PPP1CB: variants seen among roughly 807,000 people sequenced by gnomAD.
PPP1CB encodes protein phosphatase 1 catalytic subunit beta, also known as serine/threonine-protein phosphatase PP1-beta catalytic subunit.
A neutral mutation model predicts 43.7 loss-of-function variants in PPP1CB; 2 were observed. The observed-to-expected ratio is 0.05, with a 90% CI of 0.02 to 0.14. The LOEUF is 0.14. Among genes scored for constraint, PPP1CB ranks in the 10% least tolerant of loss-of-function variants. The pLI, the probability that PPP1CB is intolerant of heterozygous loss-of-function variation, is 1.00. For missense variants in PPP1CB, 84 were observed against 398.0 expected (o/e 0.21, Z 6.71); for synonymous variants, 136 against 135.6 (o/e 1.00, Z -0.02).
rs554648245 is a variant in PPP1CB, at chr2:28,788,549, T to G, written c.593-109T>G. The G allele has an allele frequency of 4.6e-5, 55 of 1,188,838 alleles. No homozygotes were observed. In the African/African-American group the frequency reaches 7.4e-4, roughly 16 times the overall value. 73.6% of individuals were successfully genotyped at this position (1,188,838 alleles called of 1,614,324 possible). A position where few individuals can be genotyped will look rare whatever the true frequency, so the allele number is the denominator to read the frequency against. On this transcript the variant is annotated intron_variant, in intron 5 of 7. Coordinates refer to ENST00000395366, the MANE Select transcript of PPP1CB (RefSeq NM_002709.3). ...TACTTAGGCAAGTGATGGTCATTGT[T>G]TAGTAAAAGGTAAGAGGGCAAGAAA...
At chr2:28,792,898 T>C (rs749505822) in intron 6 of PPP1CB, among the ~76,000 whole-genome samples, 27 of 152,102 alleles carry the variant, frequency 1.8e-4, no homozygotes, top group Non-Finnish European at 3.4e-4. Context: ...AATTGACAAC[T>C]GGTTCTAGAA....
chr2:28,760,509 A>G (rs551536572), intron 1 of PPP1CB, among the ~76,000 whole-genome samples: 8 of 152,146 alleles, frequency 5.3e-5, no homozygotes, highest in Admixed American at 3.9e-4. Context: ...AGACTATACC[A>G]TCTAGGTTTG....
intron 5 of PPP1CB, among the ~76,000 whole-genome samples, chr2:28,786,234 C>G (rs747116181): frequency 6.6e-6 from 1 of 152,096 alleles, no homozygotes; most frequent in African/African-American, 2.4e-5. Context: ...TTGCTTCAGC[C>G]TCCCAAGTAG....
At chr2:28,760,975 A>G (rs1217125588) in intron 1 of PPP1CB, among the ~76,000 whole-genome samples, 1 of 152,142 alleles carries the variant, frequency 6.6e-6, no homozygotes, top group Non-Finnish European at 1.5e-5. Flanking sequence ...GTCTCGGCTC[A>G]CTGCAGCCTC....
At chr2:28,774,747 A>G (rs1442562875) in intron 1 of PPP1CB, among the ~76,000 whole-genome samples, 1 of 152,044 alleles carries the variant, frequency 6.6e-6, no homozygotes. Flanking sequence ...TTCTTAAACT[A>G]AAATCTTCCA....
intron 1 of PPP1CB, among the ~76,000 whole-genome samples, chr2:28,771,724 T>TGCA (rs1201274521): frequency 1.3e-5 from 2 of 152,080 alleles, no homozygotes; most frequent in African/African-American, 4.8e-5. Context: ...TACACAAAAT[T>TGCA]AATTTGAGAT....
At position 28,776,936 on chromosome 2, in the gene PPP1CB, C is replaced by G; in HGVS notation, c.138C>G (p.Leu46=). The change falls in exon 2 of 8, where the codon CTC becomes CTG. Residue 46 remains leucine (L), a synonymous_variant. Coordinates refer to ENST00000395366, the MANE Select transcript of PPP1CB (RefSeq NM_002709.3). ...GTATCAAGTCTCGGGAGATCTTTCTCAGCCAGCCTATTCTTTTGGAATTGG... is the reference window on the plus strand; with the variant it reads ...GTATCAAGTCTCGGGAGATCTTTCTGAGCCAGCCTATTCTTTTGGAATTGG... ...GLCIKSREIF[L]SQPILLELEA... 2 of 1,613,570 alleles carry G rather than the reference C, an allele frequency of 1.2e-6. No individual in the cohort carries two copies. Among genetic ancestry groups the G allele is most frequent in the Non-Finnish European group, 1.7e-6 (2 of 1,179,620 alleles).
At chr2:28,774,890 G>A (rs1666999800) in intron 1 of PPP1CB, among the ~76,000 whole-genome samples, 1 of 152,162 alleles carries the variant, frequency 6.6e-6, no homozygotes, top group South Asian at 2.1e-4. Context: ...CAGTTCTGCT[G>A]ATCATTGTTT....
intron 1 of PPP1CB, among the ~76,000 whole-genome samples, chr2:28,772,715 A>G (rs1428812517): frequency 6.6e-6 from 1 of 152,016 alleles, no homozygotes; most frequent in Non-Finnish European, 1.5e-5. Context: ...TGGAATTTGG[A>G]TTTTTTTCAG....
At chr2:28,798,612 A>G (rs1364892183) in intron 7 of PPP1CB, among the ~76,000 whole-genome samples, 2 of 148,180 alleles carry the variant, frequency 1.3e-5, no homozygotes, top group African/African-American at 2.5e-5. Flanking sequence ...GATGCCAGTT[A>G]TATGAAATGT....
intron 2 of PPP1CB, chr2:28,778,589 G>T (rs1667087110): frequency 3.7e-6 from 2 of 546,344 alleles, no homozygotes; most frequent in African/African-American, 3.8e-5. Context: ...CATGGAAGAA[G>T]GTGAGAGAGT....
chr2:28,784,827 C>T (rs1435568761), intron 5 of PPP1CB, among the ~76,000 whole-genome samples: 1 of 145,416 alleles, frequency 6.9e-6, no homozygotes, highest in South Asian at 2.2e-4. Context: ...GGCTGAGGCA[C>T]GAGAATTGCT....
chr2:28,778,752 T>C (rs1667089809), intron 2 of PPP1CB, 57 bp from the exon 3 acceptor site: 1 of 1,091,840 alleles, frequency 9.2e-7, no homozygotes, highest in African/African-American at 1.6e-5. Flanking sequence ...AATCATTTCA[T>C]AGAAGCTGCT....
At chr2:28,769,790 A>G (rs1666862791) in intron 1 of PPP1CB, among the ~76,000 whole-genome samples, 2 of 152,180 alleles carry the variant, frequency 1.3e-5, no homozygotes, top group African/African-American at 4.8e-5. Flanking sequence ...AGCAACCTCT[A>G]AATGAAAAAA....
chr2:28,752,627 C>T (rs1430742398), intron 1 of PPP1CB, among the ~76,000 whole-genome samples: 1 of 152,156 alleles, frequency 6.6e-6, no homozygotes, highest in Non-Finnish European at 1.5e-5. Flanking sequence ...GATTGTCGTT[C>T]CGGGAGTGAA....
chr2:28,787,412 T>TGG (rs1390909500), intron 5 of PPP1CB, among the ~76,000 whole-genome samples: 3 of 152,292 alleles, frequency 2.0e-5, no homozygotes, highest in East Asian at 1.9e-4. Flanking sequence ...TGAGCAGAGA[T>TGG]TGCACCACTG....
intron 7 of PPP1CB, among the ~76,000 whole-genome samples, chr2:28,796,715 G>A (rs1417433159): frequency 4.6e-5 from 7 of 152,144 alleles, no homozygotes; most frequent in African/African-American, 1.7e-4. Flanking sequence ...AATCATTATC[G>A]TCAGTAAAGA....
At chr2:28,783,713 C>T (rs1271228263) in intron 4 of PPP1CB, among the ~76,000 whole-genome samples, 194 bp from the exon 5 acceptor site, 1 of 151,248 alleles carries the variant, frequency 6.6e-6, no homozygotes. Context: ...GCTGAGATCA[C>T]GCTACTGCAC....
At position 28,751,974 on chromosome 2, in the gene PPP1CB, G is replaced by C; in HGVS notation, c.-151G>C. ...GCTCTCGCTACCCGGCGGGGAGGGG[G>C]TGGGGGGAGGGCCCGGGAAAAGGGG... is the stretch of plus-strand genomic sequence containing the variant. On this transcript the variant is annotated 5_prime_UTR_variant, in exon 1 of 8. Transcript: ENST00000395366. 1.4e-6 allele frequency: 1 copy of C among 714,058 alleles called. No homozygotes were observed. Among genetic ancestry groups the C allele is most frequent in the Non-Finnish European group, 2.5e-6 (1 of 405,354 alleles). 44.2% of individuals were successfully genotyped at this position (714,058 alleles called of 1,614,324 possible).
Sources: allele counts gnomAD v4.1 joint callset (sites outside exome capture counted in the v4.1 genomes callset), GRCh38; gene constraint gnomAD v4.1.1; transcripts MANE v1.5; gene names NCBI Gene and HGNC (gene_info 2026-07-23, HGNC 2026-07-21).